GABRB1: variants seen among roughly 807,000 people sequenced by gnomAD.
GABRB1 encodes the protein gamma-aminobutyric acid type A receptor subunit beta1.
A neutral mutation model predicts 51.6 loss-of-function variants in GABRB1; 17 were observed. The ratio of observed to expected loss-of-function variants is 0.33; its 90% CI spans 0.23 to 0.49. The LOEUF (loss-of-function observed/expected upper bound fraction) is 0.49, where lower values mean the gene tolerates loss of function less well. GABRB1 is among the 20% of genes least tolerant of loss of function. GABRB1 has a pLI of 0.99. For missense variants in GABRB1, 410 were observed against 600.6 expected (o/e 0.68, Z 3.32); for synonymous variants, 247 against 218.9 (o/e 1.13, Z -1.14).
chr4:47,024,933 C>CATATATATATATATATATATAT (rs34532575), intron 1 of GABRB1, among the ~76,000 whole-genome samples: 2,441 of 85,752 alleles, frequency 0.028, 185 homozygotes, highest in African/African-American at 0.033. Flanking sequence ...AGTATTCCAT[C>CATATATATATATATATATATAT]ATATATATAT....
At position 47,123,568 on chromosome 4, in the gene GABRB1, TACATTATTTC is replaced by T. The variant is rs1419575519; in HGVS notation, c.241-37679_241-37670del. On this transcript the variant is annotated intron_variant, in intron 3 of 8. Transcript: ENST00000295454. ...TAATATATTATATATTATAATATAT[TACATTATTTC>T]ATATATTATAATATATTACATTATT... 8.5e-5 allele frequency among the ~76,000 whole-genome samples: 5 copies of T among 58,954 alleles called. 1 individual carries two copies. The East Asian group carries it at 2.0e-3, about 23-fold the overall frequency. The allele number at this position is 58,954 out of a possible 152,430, so 38.7% of individuals were successfully genotyped here.
intron 4 of GABRB1, among the ~76,000 whole-genome samples, chr4:47,217,401 T>C (rs1485867083): frequency 6.6e-6 from 1 of 151,844 alleles, no homozygotes; most frequent in Non-Finnish European, 1.5e-5. Flanking sequence ...AACCCTGTAC[T>C]CTATTTATAC....
rs768310096 is a variant in GABRB1 at position 47,138,657 on chromosome 4, G to A, written c.241-22592G>A. 1.3e-4 allele frequency among the ~76,000 whole-genome samples: 20 copies of A among 152,140 alleles called. No homozygotes were observed. In the South Asian group the frequency reaches 1.7e-3, roughly 13 times the overall value. ...AGACATCATAATTTTGGTGCTGCTC[G>A]ATACCTTTCAAGCATGTGAAGCATG... On this transcript the variant is annotated intron_variant, in intron 3 of 8. Transcript: ENST00000295454.
rs112418414 is a variant in GABRB1 at position 47,425,480 on chromosome 4, T to TA, written c.1081-194_1081-193insA. ...AGCTAGCAAGGTGGATGGATGATGATGATAGATAGATAGATAGATAGATAG... is the reference window on the plus strand; with the variant it reads ...AGCTAGCAAGGTGGATGGATGATGATAGATAGATAGATAGATAGATAGATAG... On this transcript the variant is annotated intron_variant, in intron 8 of 8. Coordinates refer to ENST00000295454, the MANE Select transcript of GABRB1 (RefSeq NM_000812.4). Among the ~76,000 whole-genome samples, 296 of 142,430 alleles carry TA rather than the reference T, an allele frequency of 2.1e-3. 1 individual carries two copies. Among genetic ancestry groups the TA allele is most frequent in the African/African-American group, 5.2e-3 (194 of 37,534 alleles). The allele number at this position is 142,430 out of a possible 152,430, so 93.4% of individuals were successfully genotyped here.
chr4:47,275,933 GATATCCTGTGATTCTTACA>G lies in GABRB1; in HGVS notation c.462-44191_462-44173del. 2.0e-5 allele frequency among the ~76,000 whole-genome samples: 3 copies of G among 152,246 alleles called. No individual in the cohort carries two copies. In the East Asian group the frequency reaches 5.8e-4, roughly 29 times the overall value. On this transcript the variant is annotated intron_variant, in intron 4 of 8. Transcript: ENST00000295454. ...CATAAATATACATGGACAGGCTTTGGATATCCTGTGATTCTTACAATTATGTAGTTCAAAGCAAAGCAAA... is the reference window on the plus strand; with the variant it reads ...CATAAATATACATGGACAGGCTTTGGATTATGTAGTTCAAAGCAAAGCAAA...
chr4:47,215,531 A>G (rs1364332539), intron 4 of GABRB1, among the ~76,000 whole-genome samples: 1 of 152,092 alleles, frequency 6.6e-6, no homozygotes, highest in African/African-American at 2.4e-5. Flanking sequence ...AAATCAAAAG[A>G]TGGATAAATA....
intron 1 of GABRB1, among the ~76,000 whole-genome samples, chr4:47,015,398 G>A (rs1019110086): frequency 7.2e-5 from 11 of 152,130 alleles, no homozygotes; most frequent in Non-Finnish European, 1.5e-4. Flanking sequence ...ATTTGAGAGA[G>A]TAACTATTAT....
At chr4:47,288,654 C>T (rs1300875660) in intron 4 of GABRB1, among the ~76,000 whole-genome samples, 1 of 152,126 alleles carries the variant, frequency 6.6e-6, no homozygotes, top group Non-Finnish European at 1.5e-5. Context: ...TTGGAGGCAC[C>T]TTGTGGTAAG....
chr4:47,231,320 C>T (rs1045746693), intron 4 of GABRB1, among the ~76,000 whole-genome samples: 9 of 152,188 alleles, frequency 5.9e-5, no homozygotes, highest in African/African-American at 1.4e-4. Context: ...ACTCAAATCA[C>T]AGTAATATTC....
chr4:47,290,057 T>C (rs1329336316), intron 4 of GABRB1, among the ~76,000 whole-genome samples: 4 of 152,216 alleles, frequency 2.6e-5, no homozygotes, highest in African/African-American at 9.6e-5. Context: ...TAGATTTCTA[T>C]AGCATATGTG....
chr4:47,119,127 T>C (rs1321868952), intron 3 of GABRB1, among the ~76,000 whole-genome samples: 3 of 152,186 alleles, frequency 2.0e-5, no homozygotes, highest in South Asian at 4.1e-4. Context: ...CATATCTATC[T>C]ATCTATAACC....
In GABRB1 at chr4:47,034,816, A is replaced by G. The variant is rs866192240; in HGVS notation, c.240+2332A>G. 2.0e-5 allele frequency among the ~76,000 whole-genome samples: 3 copies of G among 152,220 alleles called. No homozygotes were observed. The South Asian group carries it at 6.2e-4, about 32-fold the overall frequency. ...TGGTTAGCCCGCACCCCCAAAAGAGAATTGTTTATTATATGTTGTGATATT... is the reference window on the plus strand; with the variant it reads ...TGGTTAGCCCGCACCCCCAAAAGAGGATTGTTTATTATATGTTGTGATATT... On this transcript the variant is annotated intron_variant, in intron 3 of 8. Coordinates refer to ENST00000295454, the MANE Select transcript of GABRB1 (RefSeq NM_000812.4).
At chr4:47,268,440 G>T (rs989097961) in intron 4 of GABRB1, among the ~76,000 whole-genome samples, 2 of 152,114 alleles carry the variant, frequency 1.3e-5, no homozygotes, top group African/African-American at 2.4e-5. Flanking sequence ...AAGGGTAGGG[G>T]ATGCTTTATT....
At position 47,374,337 on chromosome 4, in the gene GABRB1, C is replaced by T. The variant is rs144100572; in HGVS notation, c.545-28981C>T. Among the ~76,000 whole-genome samples, 114 of 152,034 alleles carry T rather than the reference C, an allele frequency of 7.5e-4. 4 individuals are homozygous for T. The highest frequency in any genetic ancestry group is 2.6e-3 in the African/African-American group (109 of 41,464). On this transcript the variant is annotated intron_variant, in intron 5 of 8. Transcript: ENST00000295454. ...ACAGGTAGTTGAGGCTGCAGTGAGT[C>T]GTGATCGTAACACTGCACTCCAGCC...
intron 4 of GABRB1, among the ~76,000 whole-genome samples, chr4:47,178,102 A>G (rs1356695987): frequency 6.6e-6 from 1 of 152,124 alleles, no homozygotes; most frequent in African/African-American, 2.4e-5. Context: ...GACCTTGGGC[A>G]CAATCACCTG....
intron 3 of GABRB1, among the ~76,000 whole-genome samples, chr4:47,057,239 C>G (rs990446493): frequency 1.3e-5 from 2 of 152,180 alleles, no homozygotes; most frequent in African/African-American, 2.4e-5. Context: ...CTCATTGTGT[C>G]TCTGCTGAGC....
chr4:47,225,947 AC>A (rs1441922012), intron 4 of GABRB1, among the ~76,000 whole-genome samples: 1 of 151,848 alleles, frequency 6.6e-6, no homozygotes, highest in Admixed American at 6.6e-5. Context: ...TCTAACTTCA[AC>A]CCCCCACCAG....
rs574527315 is a variant in GABRB1, at chr4:47,161,497, ATGT to A, written c.461+39_461+41del. 1.2e-4 allele frequency: 190 copies of A among 1,572,182 alleles called. 2 individuals are homozygous for A. The highest frequency in any genetic ancestry group is 8.7e-4 in the South Asian group (78 of 89,902). Reference sequence around the variant, plus strand: ...AAATGGCTTTATGTTGCATGTTTTAATGTTGTTGTTGTTTTGTTTCATTTTAAA... The same window carrying A: ...AAATGGCTTTATGTTGCATGTTTTAATGTTGTTGTTTTGTTTCATTTTAAA... On this transcript the variant is annotated intron_variant, in intron 4 of 8. Transcript: ENST00000295454.
intron 5 of GABRB1, among the ~76,000 whole-genome samples, chr4:47,344,608 T>A (rs1337903572): frequency 6.6e-6 from 1 of 152,218 alleles, no homozygotes; most frequent in Admixed American, 6.5e-5. Flanking sequence ...ACAAGCGCTA[T>A]AACTCATGCT....
Sources: gnomAD v4.1 joint callset for allele counts (sites outside exome capture counted in the v4.1 genomes callset) on GRCh38, gnomAD v4.1.1 for gene constraint, MANE v1.5 for transcripts, NCBI Gene and HGNC (gene_info 2026-07-23, HGNC 2026-07-21) for gene names.